Variants in BPNT2 observed in about 807,000 individuals in gnomAD.
The protein encoded by BPNT2 is 3'(2'), 5'-bisphosphate nucleotidase 2.
BPNT2 carries 11 observed loss-of-function variants against 29.3 expected under a neutral mutation model. That is an observed-to-expected ratio of 0.38 (90% CI 0.24 to 0.62). The LOEUF is 0.62. Ranked by LOEUF, BPNT2 falls within the 20% of genes least tolerant of loss-of-function variation. BPNT2 has a pLI of 0.62. For synonymous variants in BPNT2, 195 were observed against 187.7 expected, an observed-to-expected ratio of 1.04 and a Z score of -0.32; for missense variants, 459 against 473.4, an observed-to-expected ratio of 0.97 and a Z score of 0.28.
At position 56,977,891 on chromosome 8, in the gene BPNT2, A is replaced by G. The variant is rs189200202; in HGVS notation, c.646+159T>C. Among the ~76,000 whole-genome samples the G allele has an allele frequency of 9.8e-5, 15 of 152,302 alleles. 1 individual carries two copies. Among genetic ancestry groups the G allele is most frequent in the Admixed American group, 7.8e-4 (12 of 15,296 alleles). On this transcript the variant is annotated intron_variant, in intron 3 of 4. Transcript: ENST00000262644. The stretch of plus-strand genomic sequence containing the variant: ...CTAGGCTCCAGAACTGTCAGACACT[A>G]CATTTTTGTTGTTTAAGACACATAA...
At chr8:56,980,817 TATAC>T (rs1376297608) in intron 1 of BPNT2, among the ~76,000 whole-genome samples, 73 of 67,904 alleles carry the variant, frequency 1.1e-3, no homozygotes, top group Admixed American at 5.7e-3. Context: ...CATACATACA[TATAC>T]ACACACACAC....
Position 56,966,360 on chromosome 8 carries a change from G to C in BPNT2, c.647-8C>G. 1 of 1,612,416 alleles carries C rather than the reference G, an allele frequency of 6.2e-7. No homozygotes were observed. The highest frequency in any genetic ancestry group is 1.1e-5 in the South Asian group (1 of 91,032). ...CATCTACCATTGCCCAAGCTGAAAA[G>C]CAAATATAATATCCATTAATGGCAC... On this transcript the variant is annotated splice_region_variant and splice_polypyrimidine_tract_variant and intron_variant, in intron 3 of 4. Transcript: ENST00000262644.
intron 1 of BPNT2, among the ~76,000 whole-genome samples, chr8:56,980,522 T>C (rs1018154783): frequency 2.0e-5 from 3 of 151,846 alleles, no homozygotes; most frequent in Non-Finnish European, 4.4e-5. Flanking sequence ...TTATGAAAGA[T>C]AATAGCTCTA....
intron 3 of BPNT2, among the ~76,000 whole-genome samples, chr8:56,968,496 G>A (rs998345760): frequency 4.0e-5 from 6 of 151,872 alleles, no homozygotes; most frequent in African/African-American, 1.5e-4. Flanking sequence ...TCAAGAAAAT[G>A]TCCCTAAAAA....
chr8:56,992,591 G>A (rs1210587418), intron 1 of BPNT2, among the ~76,000 whole-genome samples: 1 of 152,096 alleles, frequency 6.6e-6, no homozygotes, highest in Non-Finnish European at 1.5e-5. Context: ...AGGACCAACA[G>A]CTGGTATATT....
Position 56,963,956 on chromosome 8 carries a change from G to T in BPNT2, c.917C>A (p.Ala306Asp), listed in dbSNP as rs777949538. The change falls in exon 5 of 5, where the codon GCC (alanine) becomes GAC (aspartate). Residue 306 changes from alanine (A) to aspartate (D), a missense_variant. Coordinates refer to ENST00000262644, the MANE Select transcript of BPNT2 (RefSeq NM_017813.5). ...IKKWDICAGN[A>D]ILKALGGHMT... ...ATGCCCCCCTAGGGCTTTTAAGATG[G>T]CATTACCAGCACATATATCCCACTT... The T allele has an allele frequency of 6.2e-7, 1 of 1,613,916 alleles. No homozygotes were observed. The highest frequency in any genetic ancestry group is 8.5e-7 in the Non-Finnish European group (1 of 1,179,916).
Position 56,960,233 on chromosome 8 carries a change from A to T in BPNT2, c.*3560T>A, listed in dbSNP as rs890463474. ...TTCTTTACTTATGCTCAGCTATCAG[A>T]GATGGCTGTCACCTTCAAAGCCTAA... On this transcript the variant is annotated 3_prime_UTR_variant, in exon 5 of 5. Transcript: ENST00000262644. 1 of 152,200 alleles carries T rather than the reference A, an allele frequency of 6.6e-6. No homozygotes were observed. Among genetic ancestry groups the T allele is most frequent in the Non-Finnish European group, 1.5e-5 (1 of 68,024 alleles). The allele number at this position is 152,200 out of a possible 1,614,324, so 9.4% of individuals were successfully genotyped here. A position where few individuals can be genotyped will look rare whatever the true frequency, so the allele number is the denominator to read the frequency against.
At chr8:56,985,016 T>C (rs932419795) in intron 1 of BPNT2, among the ~76,000 whole-genome samples, 9 of 151,904 alleles carry the variant, frequency 5.9e-5, no homozygotes, top group Non-Finnish European at 1.0e-4. Context: ...CTGGTTCTTA[T>C]TAAGGTCTCG....
chr8:56,970,054 A>C (rs1405114476), intron 3 of BPNT2, among the ~76,000 whole-genome samples: 1 of 152,220 alleles, frequency 6.6e-6, no homozygotes, highest in Non-Finnish European at 1.5e-5. Context: ...GAAACAACAG[A>C]AACAGAAAAT....
chr8:56,977,179 T>C (rs1806154989), intron 3 of BPNT2, among the ~76,000 whole-genome samples: 1 of 152,170 alleles, frequency 6.6e-6, no homozygotes, highest in Non-Finnish European at 1.5e-5. Context: ...CCCCAAACGT[T>C]TCAGATAATG....
intron 4 of BPNT2, among the ~76,000 whole-genome samples, chr8:56,965,278 C>A (rs1316184421): frequency 6.6e-6 from 1 of 152,122 alleles, no homozygotes; most frequent in African/African-American, 2.4e-5. Flanking sequence ...TAGATCACAC[C>A]ACTGCACTCC....
chr8:56,965,667 G>T (rs1173457462), intron 4 of BPNT2, among the ~76,000 whole-genome samples: 1 of 152,122 alleles, frequency 6.6e-6, no homozygotes, highest in African/African-American at 2.4e-5. Context: ...AAAAAACTAG[G>T]TTGACTATAA....
chr8:56,970,331 A>G (rs553659782), intron 3 of BPNT2, among the ~76,000 whole-genome samples: 36 of 152,300 alleles, frequency 2.4e-4, no homozygotes, highest in African/African-American at 8.7e-4. Context: ...CCTCAATCCA[A>G]TCAAGGATTC....
In BPNT2 at chr8:56,971,091, GTTC is replaced by G. The variant is rs553434084; in HGVS notation, c.647-4742_647-4740del. On this transcript the variant is annotated intron_variant, in intron 3 of 4. Transcript: ENST00000262644. ...TTGCTGACTTAGTATTTTTAAAAATGTTCTTCATGTTACATAAACTCAATACAT... is the reference window on the plus strand; with the variant it reads ...TTGCTGACTTAGTATTTTTAAAAATGTTCATGTTACATAAACTCAATACAT... Among the ~76,000 whole-genome samples the G allele has an allele frequency of 7.0e-4, 106 of 152,068 alleles. 1 individual carries two copies. Among genetic ancestry groups the G allele is most frequent in the African/African-American group, 2.4e-3 (98 of 41,496 alleles).
intron 1 of BPNT2, among the ~76,000 whole-genome samples, chr8:56,984,075 C>G (rs1321452495): frequency 6.6e-6 from 1 of 152,136 alleles, no homozygotes; most frequent in Admixed American, 6.5e-5. Context: ...GACGAAGTAG[C>G]TTATGGGCCT....
At chr8:56,971,305 A>G (rs62512025) in intron 3 of BPNT2, among the ~76,000 whole-genome samples, 10,300 of 151,474 alleles carry the variant, frequency 0.068, 542 homozygotes, top group East Asian at 0.26. Context: ...AGGAAATAAA[A>G]AGTGGTTGGT....
At position 56,963,764 on chromosome 8, in the gene BPNT2, G is replaced by A; in HGVS notation, c.*29C>T. 1 of 1,613,348 alleles carries A rather than the reference G, an allele frequency of 6.2e-7. No homozygotes were observed. The highest frequency in any genetic ancestry group is 1.1e-5 in the South Asian group (1 of 91,046). On this transcript the variant is annotated 3_prime_UTR_variant, in exon 5 of 5. Coordinates refer to ENST00000262644, the MANE Select transcript of BPNT2 (RefSeq NM_017813.5). ...ATCTCAGGCTAACCATTTCAGCTGT[G>A]AAGAACTGTACCCTGTAATCAGTTA...
At chr8:56,972,555 G>A (rs912418796) in intron 3 of BPNT2, among the ~76,000 whole-genome samples, 2 of 151,968 alleles carry the variant, frequency 1.3e-5, no homozygotes, top group African/African-American at 2.4e-5. Flanking sequence ...GCTATTATGT[G>A]GGTATAAAAC....
At chr8:56,970,529 C>G (rs1365760183) in intron 3 of BPNT2, among the ~76,000 whole-genome samples, 1 of 152,142 alleles carries the variant, frequency 6.6e-6, no homozygotes, top group Non-Finnish European at 1.5e-5. Context: ...ACCTTAACAA[C>G]CTATCAACCA....
Sources: gnomAD v4.1 joint callset for allele counts (sites outside exome capture counted in the v4.1 genomes callset) on GRCh38, gnomAD v4.1.1 for gene constraint, MANE v1.5 for transcripts, NCBI Gene and HGNC (gene_info 2026-07-23, HGNC 2026-07-21) for gene names.